The following TPRKB variants were observed in gnomAD, a reference collection of about 807,000 sequenced individuals.
TPRKB encodes the protein EKC/KEOPS complex subunit TPRKB.
Under a neutral mutation model 17.8 loss-of-function variants are expected in TPRKB, and 11 were observed. The ratio of observed to expected loss-of-function variants is 0.62; its 90% confidence interval spans 0.39 to 1.02. The LOEUF (loss-of-function observed/expected upper bound fraction) is 1.02. Ranked by LOEUF, TPRKB falls within the 50% of genes least tolerant of loss-of-function variation. TPRKB has a pLI of 0.00. For synonymous variants in TPRKB, 71 were observed against 69.5 expected (o/e 1.02, Z -0.11); for missense variants, 228 against 198.0 (o/e 1.15, Z -0.91).
At chr2:73,730,098 CAT>C (rs1006576236) in intron 4 of TPRKB, 69 bp from the exon 5 acceptor site, 81 of 1,453,670 alleles carry the variant, frequency 5.6e-5, no homozygotes, top group African/African-American at 2.1e-4. Context: ...ATTATACAAA[CAT>C]GTGTAAGTGA....
At chr2:73,734,047 C>T (rs1671761625) in intron 2 of TPRKB, among the ~76,000 whole-genome samples, 1 of 150,190 alleles carries the variant, frequency 6.7e-6, no homozygotes, top group African/African-American at 2.5e-5. Context: ...ACCTCATGAT[C>T]TGCCTGCCTC....
At chr2:73,733,787 T>G in intron 2 of TPRKB, among the ~76,000 whole-genome samples, 1 of 151,946 alleles carries the variant, frequency 6.6e-6, no homozygotes. Flanking sequence ...TAATGTATAC[T>G]TAAATGCCCT....
chr2:73,730,618 C>A lies in TPRKB; in HGVS notation c.383G>T (p.Gly128Val). 1 of 1,595,062 alleles carries A rather than the reference C, an allele frequency of 6.3e-7. No individual in the cohort carries two copies. Among genetic ancestry groups the A allele is most frequent in the Non-Finnish European group, 8.5e-7 (1 of 1,173,672 alleles). ...NQEYLISQVE[G>V]HQVSLKNLPE... ...AAGATTTTTCAGAGAAACCTGATGA[C>A]CTTCTACTTGAGATATTAGGTATTC... The change falls in exon 4 of 5, where the codon GGT (glycine) becomes GTT (valine). Residue 128 changes from glycine (G) to valine (V), a missense_variant. Gly to Val is a moderately radical substitution (Grantham distance 109). Coordinates refer to ENST00000272424, the MANE Select transcript of TPRKB (RefSeq NM_016058.5).
At chr2:73,733,437 T>C (rs1671726947) in intron 2 of TPRKB, among the ~76,000 whole-genome samples, 1 of 152,036 alleles carries the variant, frequency 6.6e-6, no homozygotes, top group Non-Finnish European at 1.5e-5. Context: ...TTTTGTATTT[T>C]TAGTAGAGAC....
At chr2:73,730,907 CA>C in intron 3 of TPRKB, 171 bp from the exon 4 acceptor site, 1 of 494,700 alleles carries the variant, frequency 2.0e-6, no homozygotes, top group Non-Finnish European at 3.4e-6. Flanking sequence ...CATCCATTGG[CA>C]CTTCCTCAAA....
At chr2:73,736,054 GT>G (rs1351858935) in intron 1 of TPRKB, among the ~76,000 whole-genome samples, 3 of 152,204 alleles carry the variant, frequency 2.0e-5, no homozygotes, top group East Asian at 1.9e-4. Context: ...CAAAATGTGG[GT>G]TTTTTAAAAG....
chr2:73,733,237 G>A (rs1316230008), intron 2 of TPRKB, among the ~76,000 whole-genome samples: 4 of 145,866 alleles, frequency 2.7e-5, no homozygotes, highest in African/African-American at 7.5e-5. Flanking sequence ...ATCGCACTGC[G>A]TGTGCCCTGT....
chr2:73,736,770 C>T (rs1416431188), intron 1 of TPRKB, among the ~76,000 whole-genome samples: 1 of 152,162 alleles, frequency 6.6e-6, no homozygotes, highest in Non-Finnish European at 1.5e-5. Flanking sequence ...TCAAAATGTA[C>T]ATCAGATCTT....
chr2:73,736,672 C>T (rs1309976684), intron 1 of TPRKB, among the ~76,000 whole-genome samples: 1 of 152,222 alleles, frequency 6.6e-6, no homozygotes, highest in East Asian at 1.9e-4. Flanking sequence ...GGTCACATCG[C>T]TCATCTACAG....
intron 1 of TPRKB, among the ~76,000 whole-genome samples, chr2:73,735,551 A>G (rs1295024090): frequency 2.0e-5 from 3 of 152,252 alleles, no homozygotes; most frequent in African/African-American, 7.2e-5. Flanking sequence ...ATGGAAATTA[A>G]GCAGAGAGGG....
intron 3 of TPRKB, 30 bp from the exon 4 acceptor site, chr2:73,730,766 C>G (rs1671568896): frequency 7.0e-7 from 1 of 1,424,578 alleles, no homozygotes; most frequent in East Asian, 2.6e-5. Context: ...AAAAAAAACA[C>G]AAGATCATTA....
At position 73,734,736 on chromosome 2, in the gene TPRKB, C is replaced by T. The variant is rs1047071614; in HGVS notation, c.-22-145G>A. On this transcript the variant is annotated intron_variant, in intron 1 of 4. Transcript: ENST00000272424. ...CCATCGCCAAAGCCCATTTGGCATC[C>T]TCATGAGATGTTGTCTTCCTAACCC... 2.9e-5 allele frequency: 21 copies of T among 735,986 alleles called. No individual in the cohort carries two copies. In the African/African-American group the frequency reaches 3.4e-4, roughly 12 times the overall value. 45.6% of individuals were successfully genotyped at this position (735,986 alleles called of 1,614,324 possible). A position where few individuals can be genotyped will look rare whatever the true frequency, so the allele number is the denominator to read the frequency against.
intron 2 of TPRKB, among the ~76,000 whole-genome samples, chr2:73,733,107 A>C (rs1671700239): frequency 1.3e-5 from 2 of 152,186 alleles, no homozygotes; most frequent in Non-Finnish European, 2.9e-5. Flanking sequence ...AGATTAAGCA[A>C]GTTAGTATAC....
rs756367573 is a variant in TPRKB at position 73,733,254 on chromosome 2, G to GT, written c.142-970dup. 1.3e-3 allele frequency among the ~76,000 whole-genome samples: 172 copies of GT among 133,816 alleles called. 2 individuals are homozygous for GT. The highest frequency in any genetic ancestry group is 0.011 in the Middle Eastern group (3 of 264). 87.8% of individuals were successfully genotyped at this position (133,816 alleles called of 152,430 possible). ...CGCACTGCGTGTGCCCTGTTTTTTT[G>GT]TTTTTTTTTTTTTTTGGAGACAGAC... is the stretch of plus-strand genomic sequence containing the variant. On this transcript the variant is annotated intron_variant, in intron 2 of 4. Transcript: ENST00000272424.
At chr2:73,730,534 CTT>C (rs777401910) in intron 4 of TPRKB, 24 bp downstream of exon 4, 17 of 1,529,400 alleles carry the variant, frequency 1.1e-5, no homozygotes, top group Non-Finnish European at 1.4e-5. Flanking sequence ...CTATCACACT[CTT>C]TCTAAAAATA....
intron 2 of TPRKB, chr2:73,732,663 C>CG (rs1354797304): frequency 5.9e-6 from 1 of 170,360 alleles, no homozygotes; most frequent in East Asian, 1.7e-4. Flanking sequence ...GAGCCAAGAT[C>CG]GCGCCATTGC....
In TPRKB at chr2:73,730,100, T is replaced by A. The variant is rs13003035; in HGVS notation, c.442-71A>T. 890,476 of 1,421,978 alleles carry A rather than the reference T, an allele frequency of 0.63. 287,025 individuals are homozygous for A. The highest frequency in any genetic ancestry group is 0.67 in the East Asian group (25,354 of 37,638). The allele number at this position is 1,421,978 out of a possible 1,614,324, so 88.1% of individuals were successfully genotyped here. On this transcript the variant is annotated intron_variant, in intron 4 of 4. Transcript: ENST00000272424. ...ACTACTAATTGTCATTATACAAACATGTGTAAGTGAAATTATTCCTCATTC... is the reference window on the plus strand; with the variant it reads ...ACTACTAATTGTCATTATACAAACAAGTGTAAGTGAAATTATTCCTCATTC...
At chr2:73,731,924 A>G (rs1362458360) in intron 3 of TPRKB, 1 of 347,780 alleles carries the variant, frequency 2.9e-6, no homozygotes, top group African/African-American at 2.1e-5. Flanking sequence ...TCCTGACCCT[A>G]TATGGTAAGA....
At chr2:73,736,366 A>G (rs1486010477) in intron 1 of TPRKB, among the ~76,000 whole-genome samples, 1 of 152,226 alleles carries the variant, frequency 6.6e-6, no homozygotes, top group East Asian at 1.9e-4. Context: ...CCTTTATATA[A>G]AAGAAAATAT....
Sources: gnomAD v4.1 joint callset for allele counts (sites outside exome capture counted in the v4.1 genomes callset) on GRCh38, gnomAD v4.1.1 for gene constraint, MANE v1.5 for transcripts, NCBI Gene and HGNC (gene_info 2026-07-23, HGNC 2026-07-21) for gene names.